The following PTGIR variants were observed in gnomAD, a reference collection of about 807,000 sequenced individuals.
The protein encoded by PTGIR is prostaglandin I2 receptor.
In PTGIR, 16 loss-of-function variants were observed where a neutral mutation model predicts 17.6. The ratio of observed to expected loss-of-function variants is 0.91; its 90% confidence interval spans 0.61 to 1.38. The LOEUF (loss-of-function observed/expected upper bound fraction) is 1.38. PTGIR is among the 40% of genes most tolerant of loss of function. The pLI is 0.00. For synonymous variants in PTGIR, 274 were observed against 255.4 expected, an observed-to-expected ratio of 1.07 and a Z score of -0.69; for missense variants, 532 against 548.6, an observed-to-expected ratio of 0.97 and a Z score of 0.30.
chr19:46,623,885 G>T lies in PTGIR; in HGVS notation c.341C>A (p.Ala114Asp). The change falls in exon 2 of 3, where the codon GCC (alanine) becomes GAC (aspartate). Residue 114 changes from alanine to aspartate, a missense_variant. Coordinates refer to ENST00000291294, the MANE Select transcript of PTGIR (RefSeq NM_000960.4). ...LASMLILFAM[A>D]VERCLALSHP... ...GCTCAGCGCCAGGCAGCGCTCCACG[G>T]CCATGGCAAAGAGGATGAGCATGGA... 6.2e-7 allele frequency: 1 copy of T among 1,610,518 alleles called. No individual in the cohort carries two copies.
chr19:46,621,930 C>T lies in PTGIR; in HGVS notation c.769-258G>A. ...CCCCACCCTTGGAAGCTGGGAGGAC[C>T]CTCGGGCTCCACAGATTTTTGAGTA... On this transcript the variant is annotated intron_variant, in intron 2 of 2. Coordinates refer to ENST00000291294, the MANE Select transcript of PTGIR (RefSeq NM_000960.4). The surrounding 1 kb of genome is among the most constrained non-coding windows in gnomAD (Gnocchi z 4.8). 7.8e-7 allele frequency: 1 copy of T among 1,276,448 alleles called. No homozygotes were observed. 79.1% of individuals were successfully genotyped at this position (1,276,448 alleles called of 1,614,324 possible).
downstream of PTGIR, among the ~76,000 whole-genome samples, chr19:46,616,326 C>CTTTTTTTTTTTTTTTTTTTTT (rs1021116711): frequency 4.5e-5 from 3 of 66,546 alleles, no homozygotes; most frequent in African/African-American, 2.2e-4. Context: ...GACAGAAATG[C>CTTTTTTTTTTTTTTTTTTTTT]TTTTTTTTTT....
In PTGIR at chr19:46,621,307, T is replaced by C. The variant is rs746273383; in HGVS notation, c.1134A>G (p.Glu378=). 2.0e-6 allele frequency: 3 copies of C among 1,517,298 alleles called. No individual in the cohort carries two copies. In the Admixed American group the frequency reaches 6.6e-5, roughly 34 times the overall value. 94.0% of individuals were successfully genotyped at this position (1,517,298 alleles called of 1,614,324 possible). A position where few individuals can be genotyped will look rare whatever the true frequency, so the allele number is the denominator to read the frequency against. ...AGCAGAGGGAGCAGGCGACGCTGGC[T>C]TCTGCTTTGGACGACGTTCCCACGG... is the stretch of plus-strand genomic sequence containing the variant. ...GSAVGTSSKA[E]ASVACSLC is the part of the protein sequence containing the mutation. The change falls in exon 3 of 3, where the codon GAA becomes GAG. Residue 378 remains glutamate (E), a synonymous_variant. Transcript: ENST00000291294. The surrounding 1 kb of genome is among the most constrained non-coding windows in gnomAD (Gnocchi z 4.8).
downstream of PTGIR, among the ~76,000 whole-genome samples, chr19:46,618,014 ATTTTT>A (rs56961349): frequency 1.8e-5 from 2 of 112,758 alleles, no homozygotes; most frequent in Non-Finnish European, 3.6e-5. Context: ...AATTTTTGTA[ATTTTT>A]TTTTTTTTTT....
rs372872311 is a variant in PTGIR, at chr19:46,621,337, G to C, written c.1104C>G (p.Gly368=). 11 of 1,528,740 alleles carry C rather than the reference G, an allele frequency of 7.2e-6. No individual in the cohort carries two copies. Among genetic ancestry groups the C allele is most frequent in the African/African-American group, 4.2e-5 (3 of 72,226 alleles). The allele number at this position is 1,528,740 out of a possible 1,614,324, so 94.7% of individuals were successfully genotyped here. ...CTTTGGACGACGTTCCCACGGCGCT[G>C]CCGCTGGACTGCTGTGTGGGAGGCA... The part of the protein sequence containing the change: ...EPLPPTQQSS[G]SAVGTSSKAE... Residue 368 remains glycine, a synonymous_variant, in exon 3 of 3, where the codon GGC becomes GGG. Coordinates refer to ENST00000291294, the MANE Select transcript of PTGIR (RefSeq NM_000960.4). The surrounding 1 kb of genome is among the most constrained non-coding windows in gnomAD (Gnocchi z 4.8).
downstream of PTGIR, among the ~76,000 whole-genome samples, chr19:46,619,617 G>GAAAGAA (rs1555816606): frequency 7.6e-6 from 1 of 130,826 alleles, no homozygotes; most frequent in African/African-American, 3.1e-5. Flanking sequence ...AAGAAAGAAA[G>GAAAGAA]AAAGAAAGAA....
downstream of PTGIR, among the ~76,000 whole-genome samples, chr19:46,619,615 A>AAGAG: frequency 7.6e-6 from 1 of 131,260 alleles, no homozygotes; most frequent in African/African-American, 3.1e-5. Context: ...GAAAGAAAGA[A>AAGAG]AGAAAGAAAG....
the PTGIR span, among the ~76,000 whole-genome samples, chr19:46,610,959 C>G: frequency 2.0e-5 from 3 of 152,156 alleles, no homozygotes; most frequent in Admixed American, 2.0e-4. Context: ...CAGTTCTGAT[C>G]CCAGCTAGAT....
At chr19:46,619,513 GAAA>G (rs1568675242), downstream of PTGIR, among the ~76,000 whole-genome samples, 162 of 50,492 alleles carry the variant, frequency 3.2e-3, 2 homozygotes, top group African/African-American at 0.013. Context: ...AAGAAAGAAA[GAAA>G]GAAAGAAAGA....
At chr19:46,616,772 C>T (rs1475118729), downstream of PTGIR, among the ~76,000 whole-genome samples, 2 of 152,246 alleles carry the variant, frequency 1.3e-5, no homozygotes, top group Admixed American at 6.5e-5. Flanking sequence ...CTGTCTCCCC[C>T]ACCAAACTGA....
At position 46,623,509 on chromosome 19, in the gene PTGIR, G is replaced by A. The variant is rs777236725; in HGVS notation, c.717C>T (p.Ile239=). 2 of 1,578,764 alleles carry A rather than the reference G, an allele frequency of 1.3e-6. No individual in the cohort carries two copies. The highest frequency in any genetic ancestry group is 2.3e-5 in the East Asian group (1 of 43,426). ...RTGEDEVDHL[I]LLALMTVVMA... is the part of the protein sequence containing the mutation. ...TGACCACTGTCATGAGGGCCAGCAG[G>A]ATCAGGTGGTCCACCTCGTCCTCTC... Residue 239 remains isoleucine (I), a synonymous_variant, in exon 2 of 3, where the codon ATC becomes ATT. Transcript: ENST00000291294.
At chr19:46,614,495 C>A in the PTGIR span, 2 of 933,518 alleles carry the variant, frequency 2.1e-6, no homozygotes, top group Non-Finnish European at 2.6e-6. Context: ...CCCAGCACAT[C>A]ACTTCCTGAG....
downstream of PTGIR, among the ~76,000 whole-genome samples, chr19:46,619,497 A>AAAAGAAAGAAAGAAAGAAAGAAAGAAAG (rs1176986063): frequency 9.1e-6 from 1 of 110,482 alleles, no homozygotes; most frequent in Non-Finnish European, 1.8e-5. Context: ...TCTGTCTCAA[A>AAAAGAAAGAAAGAAAGAAAGAAAGAAAG]AAAGAAAGAA....
chr19:46,617,276 G>A (rs958235461), downstream of PTGIR, among the ~76,000 whole-genome samples: 3 of 152,176 alleles, frequency 2.0e-5, no homozygotes, highest in South Asian at 4.1e-4. Context: ...GACAGGACCC[G>A]GGCAGCTGGC....
chr19:46,619,549 G>GAAACAA (rs768823157), downstream of PTGIR, among the ~76,000 whole-genome samples: 1 of 71,290 alleles, frequency 1.4e-5, no homozygotes, highest in African/African-American at 5.5e-5. Context: ...AAGAAAGAAA[G>GAAACAA]AGAGAGAGAG....
At position 46,620,613 on chromosome 19, in the gene PTGIR, C is replaced by T; in HGVS notation, c.*667G>A. 2.0e-6 allele frequency: 2 copies of T among 985,456 alleles called. No individual in the cohort carries two copies. Among genetic ancestry groups the T allele is most frequent in the Non-Finnish European group, 2.4e-6 (2 of 829,872 alleles). The allele number at this position is 985,456 out of a possible 1,614,324, so 61.0% of individuals were successfully genotyped here. ...CCATCTGTCTCCCCACCACCTGCAC[C>T]CCCCCAGTTCTCATCTTGCAGCCAG... On this transcript the variant is annotated 3_prime_UTR_variant, in exon 3 of 3. Coordinates refer to ENST00000291294, the MANE Select transcript of PTGIR (RefSeq NM_000960.4).
chr19:46,616,225 G>C (rs182556742), downstream of PTGIR, among the ~76,000 whole-genome samples: 33 of 150,364 alleles, frequency 2.2e-4, no homozygotes, highest in Admixed American at 2.2e-3. Context: ...GTCCAGACCA[G>C]AGCAACTCAA....
the PTGIR span, among the ~76,000 whole-genome samples, chr19:46,611,845 T>C: frequency 6.6e-6 from 1 of 152,238 alleles, no homozygotes; most frequent in Admixed American, 6.5e-5. Flanking sequence ...TGTCTTTAAC[T>C]TCTGAGCTTC....
downstream of PTGIR, among the ~76,000 whole-genome samples, chr19:46,619,654 A>AAAGAAAGAAAGAAAAG (rs1263434350): frequency 4.5e-5 from 4 of 89,212 alleles, no homozygotes; most frequent in African/African-American, 1.7e-4. Context: ...AGAAAGAAAG[A>AAAGAAAGAAAGAAAAG]AAAGAAAGAA....
Sources: allele counts gnomAD v4.1 joint callset (sites outside exome capture counted in the v4.1 genomes callset), GRCh38; gene constraint gnomAD v4.1.1; non-coding constraint Gnocchi (gnomAD v3.1); transcripts MANE v1.5; gene names NCBI Gene and HGNC (gene_info 2026-07-23, HGNC 2026-07-21).